The following STARD7 variants were observed in gnomAD, a reference collection of about 807,000 sequenced individuals.
STARD7 encodes stAR-related lipid transfer protein 7, mitochondrial.
Under a neutral mutation model 45.3 loss-of-function variants are expected in STARD7, and 30 were observed. The observed-to-expected ratio is 0.66, with a 90% confidence interval of 0.50 to 0.90. STARD7 has a LOEUF of 0.90. STARD7 is among the 40% of genes least tolerant of loss of function. The pLI, the probability that STARD7 is intolerant of heterozygous loss-of-function variation, is 0.00. For missense variants in STARD7, 495 were observed against 491.3 expected (o/e 1.01, Z -0.07); for synonymous variants, 199 against 183.0 (o/e 1.09, Z -0.70).
At chr2:96,202,016 A>C (rs969487648) in intron 1 of STARD7, among the ~76,000 whole-genome samples, 2 of 152,120 alleles carry the variant, frequency 1.3e-5, no homozygotes, top group African/African-American at 4.8e-5. Flanking sequence ...TCTAAAATTG[A>C]ATTTGCTGAA....
chr2:96,206,800 CAAAA>C (rs61417989), intron 1 of STARD7, among the ~76,000 whole-genome samples: 2 of 49,490 alleles, frequency 4.0e-5, no homozygotes, highest in East Asian at 5.3e-4. Context: ...GACTCCGTCT[CAAAA>C]AAAAAAAAAA....
In STARD7 at chr2:96,186,911, A is replaced by C; in HGVS notation, c.932T>G (p.Met311Arg). The C allele has an allele frequency of 1.2e-6, 2 of 1,612,454 alleles. No individual in the cohort carries two copies. Among genetic ancestry groups the C allele is most frequent in the Non-Finnish European group, 1.7e-6 (2 of 1,179,078 alleles). ...YCVSWMVSSG[M>R]PDFLEKLHMA... ...GTGCAGCTTCTCCAGGAAATCTGGC[A>C]TGCCTGTCAGGAGACGAGAATCAGG... The change falls in exon 8 of 8, where the codon ATG (methionine) becomes AGG (arginine). Residue 311 changes from methionine (M) to arginine (R), a missense_variant. Coordinates refer to ENST00000337288, the MANE Select transcript of STARD7 (RefSeq NM_020151.4).
At chr2:96,195,790 T>C (rs1683194281) in intron 1 of STARD7, among the ~76,000 whole-genome samples, 1 of 152,178 alleles carries the variant, frequency 6.6e-6, no homozygotes, top group Non-Finnish European at 1.5e-5. Context: ...ATAATAATAG[T>C]ACCTATCTCG....
intron 6 of STARD7, among the ~76,000 whole-genome samples, chr2:96,191,249 T>C (rs1446449660): frequency 3.9e-5 from 6 of 152,184 alleles, no homozygotes; most frequent in African/African-American, 9.7e-5. Flanking sequence ...AGCTAGAATT[T>C]GCTTCAAAAT....
Position 96,197,086 on chromosome 2 carries a change from T to C in STARD7, c.291-1537A>G, listed in dbSNP as rs1038695744. Among the ~76,000 whole-genome samples the C allele has an allele frequency of 3.8e-3, 481 of 125,156 alleles. 9 individuals are homozygous for C. The highest frequency in any genetic ancestry group is 5.9e-3 in the Non-Finnish European group (341 of 57,642). The allele number at this position is 125,156 out of a possible 152,430, so 82.1% of individuals were successfully genotyped here. ...CGTCTCAAAATAAAATAAAATAAAA[T>C]AAAATAAAATAAAATAAAATAAAAT... On this transcript the variant is annotated intron_variant, in intron 1 of 7. Transcript: ENST00000337288.
intron 1 of STARD7, 120 bp downstream of exon 1, chr2:96,208,025 C>T: frequency 2.2e-6 from 2 of 902,196 alleles, no homozygotes; most frequent in South Asian, 2.0e-5. Flanking sequence ...CAGGTTCAAT[C>T]GACTGTATTG....
intron 4 of STARD7, 36 bp downstream of exon 4, chr2:96,193,206 C>CT: frequency 6.2e-7 from 1 of 1,601,356 alleles, no homozygotes; most frequent in Non-Finnish European, 8.6e-7. Context: ...TCACACAAAC[C>CT]TGGACAGAAA....
At chr2:96,197,754 T>C (rs1306309591) in intron 1 of STARD7, among the ~76,000 whole-genome samples, 1 of 152,212 alleles carries the variant, frequency 6.6e-6, no homozygotes, top group Non-Finnish European at 1.5e-5. Context: ...CTCCCAGTCC[T>C]AGGCAGCCAC....
At position 96,193,075 on chromosome 2, in the gene STARD7, T is replaced by C; in HGVS notation, c.743+3A>G. 6.2e-7 allele frequency: 1 copy of C among 1,611,202 alleles called. No homozygotes were observed. Among genetic ancestry groups the C allele is most frequent in the Non-Finnish European group, 8.5e-7 (1 of 1,177,714 alleles). On this transcript the variant is annotated splice_donor_region_variant and intron_variant, in intron 5 of 7. Coordinates refer to ENST00000337288, the MANE Select transcript of STARD7 (RefSeq NM_020151.4). ...GGCAACAGCCACAGGCAGCCATACA[T>C]ACCGCGACACCAACACCATCATGTT...
chr2:96,192,303 G>A lies in STARD7; in HGVS notation c.843+66C>T. ...CCACACCCCCTCCTCCCTAGTTCAG[G>A]TAAGACATCCCTTGAGAAAATTCCA... On this transcript the variant is annotated intron_variant, in intron 6 of 7. Coordinates refer to ENST00000337288, the MANE Select transcript of STARD7 (RefSeq NM_020151.4). The A allele has an allele frequency of 4.8e-6, 6 of 1,241,544 alleles. No individual in the cohort carries two copies. In the Admixed American group the frequency reaches 8.4e-5, roughly 17 times the overall value. 76.9% of individuals were successfully genotyped at this position (1,241,544 alleles called of 1,614,324 possible).
At chr2:96,202,046 A>G (rs1294217770) in intron 1 of STARD7, among the ~76,000 whole-genome samples, 4 of 152,126 alleles carry the variant, frequency 2.6e-5, no homozygotes, top group African/African-American at 9.7e-5. Flanking sequence ...TTGGACTTGG[A>G]TGAAAATATT....
At chr2:96,193,507 G>A (rs1050690857) in intron 3 of STARD7, among the ~76,000 whole-genome samples, 155 bp from the exon 4 acceptor site, 1 of 152,208 alleles carries the variant, frequency 6.6e-6, no homozygotes, top group African/African-American at 2.4e-5. Flanking sequence ...AGACATGGCT[G>A]TGTTTACTAC....
intron 6 of STARD7, among the ~76,000 whole-genome samples, chr2:96,189,548 T>TG (rs1241992754): frequency 6.6e-6 from 1 of 151,870 alleles, no homozygotes; most frequent in Non-Finnish European, 1.5e-5. Context: ...CTAATAAAAA[T>TG]ACAAAAATTA....
chr2:96,198,651 TTATAC>T (rs888618439), intron 1 of STARD7, among the ~76,000 whole-genome samples: 29 of 152,220 alleles, frequency 1.9e-4, no homozygotes, highest in African/African-American at 6.5e-4. Context: ...TTTCATGTGC[TTATAC>T]TAGTCTTGAT....
chr2:96,203,559 A>C (rs1019355492), intron 1 of STARD7, among the ~76,000 whole-genome samples: 1 of 152,216 alleles, frequency 6.6e-6, no homozygotes, highest in Non-Finnish European at 1.5e-5. Flanking sequence ...CATCCCTACA[A>C]TTAGGAATTT....
At position 96,208,364 on chromosome 2, in the gene STARD7, G is replaced by T; in HGVS notation, c.71C>A (p.Ala24Asp). The change falls in exon 1 of 8, where the codon GCC becomes GAC. Residue 24 changes from alanine to aspartate, a missense_variant. Ala to Asp is a moderately radical substitution (Grantham distance 126, BLOSUM62 -2). Coordinates refer to ENST00000337288, the MANE Select transcript of STARD7 (RefSeq NM_020151.4). ...TRGGGLLALL[A>D]NQCRFVTGLR... Reference sequence around the variant, plus strand: ...GCCCGTGACGAAGCGGCACTGATTGGCCAGAAGCGCCAGCAGGCCCCCGCC... The same window carrying T: ...GCCCGTGACGAAGCGGCACTGATTGTCCAGAAGCGCCAGCAGGCCCCCGCC... 1 of 1,545,246 alleles carries T rather than the reference G, an allele frequency of 6.5e-7. No individual in the cohort carries two copies. Among genetic ancestry groups the T allele is most frequent in the Non-Finnish European group, 8.7e-7 (1 of 1,155,722 alleles).
chr2:96,196,326 A>G (rs1325668577), intron 1 of STARD7, among the ~76,000 whole-genome samples: 1 of 152,100 alleles, frequency 6.6e-6, no homozygotes, highest in Non-Finnish European at 1.5e-5. Flanking sequence ...TTAGCCAGGC[A>G]TAGTGGCACA....
Position 96,193,359 on chromosome 2 carries a change from A to G in STARD7, c.550-7T>C. 1.9e-6 allele frequency: 3 copies of G among 1,585,638 alleles called. No individual in the cohort carries two copies. The African/African-American group carries it at 4.0e-5, about 21-fold the overall frequency. On this transcript the variant is annotated splice_region_variant and splice_polypyrimidine_tract_variant and intron_variant, in intron 3 of 7. Coordinates refer to ENST00000337288, the MANE Select transcript of STARD7 (RefSeq NM_020151.4). ...TTCTATACTCTGTGTCCAGCTGCAGAAAGAGAAAAGACCATGAATACCCAA... is the reference window on the plus strand; with the variant it reads ...TTCTATACTCTGTGTCCAGCTGCAGGAAGAGAAAAGACCATGAATACCCAA...
Position 96,187,456 on chromosome 2 carries a change from G to A in STARD7, c.844-155C>T, listed in dbSNP as rs1199192811. 5 of 578,342 alleles carry A rather than the reference G, an allele frequency of 8.6e-6. No individual in the cohort carries two copies. In the East Asian group the frequency reaches 1.2e-4, roughly 14 times the overall value. The allele number at this position is 578,342 out of a possible 1,614,324, so 35.8% of individuals were successfully genotyped here. A position where few individuals can be genotyped will look rare whatever the true frequency, so the allele number is the denominator to read the frequency against. On this transcript the variant is annotated intron_variant, in intron 6 of 7. Transcript: ENST00000337288. ...AAAAGAGTTAACACTGAAGGCCTGA[G>A]AGACTACTATCTATAGAAAGGTCTC... is the stretch of plus-strand genomic sequence containing the variant.
Sources: allele counts gnomAD v4.1 joint callset (sites outside exome capture counted in the v4.1 genomes callset), GRCh38; gene constraint gnomAD v4.1.1; transcripts MANE v1.5; gene names NCBI Gene and HGNC (gene_info 2026-07-23, HGNC 2026-07-21).